HELLS: variants seen among roughly 807,000 people sequenced by gnomAD.
The protein encoded by HELLS is lymphoid-specific helicase.
HELLS carries 32 observed loss-of-function variants against 120.0 expected under a neutral mutation model. The observed-to-expected ratio is 0.27, with a 90% CI of 0.20 to 0.36. The LOEUF (loss-of-function observed/expected upper bound fraction) is 0.36, where lower values mean the gene tolerates loss of function less well. Among genes scored for constraint, HELLS ranks in the 10% least tolerant of loss-of-function variants. HELLS has a pLI of 1.00. For missense variants in HELLS, 650 were observed against 993.4 expected, an observed-to-expected ratio of 0.65 and a Z score of 4.65; for synonymous variants, 341 against 323.4, an observed-to-expected ratio of 1.05 and a Z score of -0.58.
chr10:94,561,860 A>G (rs930746290), intron 4 of HELLS, among the ~76,000 whole-genome samples: 4 of 141,960 alleles, frequency 2.8e-5, no homozygotes, highest in African/African-American at 9.1e-5. Flanking sequence ...GTTATATTTA[A>G]TGTATGAATT....
intron 4 of HELLS, among the ~76,000 whole-genome samples, chr10:94,561,364 C>T (rs1364095158): frequency 6.6e-6 from 1 of 152,182 alleles, no homozygotes; most frequent in Non-Finnish European, 1.5e-5. Flanking sequence ...TGCTCTTTAA[C>T]CTGTTAATTT....
Position 94,571,437 on chromosome 10 carries a change from A to G in HELLS, c.477+8A>G, listed in dbSNP as rs751544921. ...AATAAAAAGGAGAATGAGGTAAGAA[A>G]TTTATAATGTAAGATTAAGTTTAGA... On this transcript the variant is annotated splice_region_variant and intron_variant, in intron 7 of 21. Transcript: ENST00000348459. The G allele has an allele frequency of 1.3e-6, 2 of 1,494,580 alleles. No homozygotes were observed. The highest frequency in any genetic ancestry group is 1.2e-5 in the South Asian group (1 of 86,502). The allele number at this position is 1,494,580 out of a possible 1,614,324, so 92.6% of individuals were successfully genotyped here.
At chr10:94,586,730 C>T (rs532488819) in intron 12 of HELLS, among the ~76,000 whole-genome samples, 2 of 151,902 alleles carry the variant, frequency 1.3e-5, no homozygotes, top group African/African-American at 2.4e-5. Flanking sequence ...ACGTCTCTGT[C>T]GCCCAGGCTA....
chr10:94,584,136 CT>C, intron 12 of HELLS: 6 of 1,270,250 alleles, frequency 4.7e-6, no homozygotes, highest in Non-Finnish European at 6.3e-6. Context: ...GTTAGAAGTC[CT>C]TTTCAGTGTT....
downstream of HELLS, among the ~76,000 whole-genome samples, chr10:94,606,858 C>T (rs1846135088): frequency 6.6e-6 from 1 of 152,176 alleles, no homozygotes; most frequent in African/African-American, 2.4e-5. Flanking sequence ...GTGGATTTTA[C>T]TCCAGTGTGA....
intron 13 of HELLS, among the ~76,000 whole-genome samples, chr10:94,588,710 A>G (rs908248813): frequency 1.3e-5 from 2 of 152,104 alleles, no homozygotes; most frequent in Non-Finnish European, 2.9e-5. Context: ...CCCCTTGTTC[A>G]TTTTTAGGAC....
intron 18 of HELLS, among the ~76,000 whole-genome samples, chr10:94,594,061 G>A (rs549762476): frequency 9.2e-4 from 138 of 150,716 alleles, no homozygotes; most frequent in African/African-American, 3.1e-3. Context: ...GAGCCACCGC[G>A]CCCGGCCATT....
At chr10:94,610,725 A>G (rs1221925441) in exon 10 of HELLS, 1 of 152,142 alleles carries the variant, frequency 6.6e-6, no homozygotes, top group East Asian at 1.9e-4. Context: ...AGTAGCTGGG[A>G]TTACAGGCTC....
chr10:94,568,268 G>A (rs1343223446), intron 6 of HELLS, among the ~76,000 whole-genome samples: 1 of 150,926 alleles, frequency 6.6e-6, no homozygotes, highest in East Asian at 2.0e-4. Flanking sequence ...ATGCAGTTGA[G>A]CAGTTTTACG....
At chr10:94,590,851 TG>T in intron 15 of HELLS, 75 bp downstream of exon 15, 4 of 800,006 alleles carry the variant, frequency 5.0e-6, no homozygotes, top group African/African-American at 1.8e-5. Flanking sequence ...TTACTTTTTT[TG>T]ATTATAATTA....
At position 94,585,005 on chromosome 10, in the gene HELLS, T is replaced by C. The variant is rs141694721; in HGVS notation, c.1326+1946T>C. 3.0e-3 allele frequency among the ~76,000 whole-genome samples: 457 copies of C among 152,270 alleles called. 1 individual carries two copies. The highest frequency in any genetic ancestry group is 0.011 in the African/African-American group (440 of 41,588). ...AAAATGAATTCAGATTAGGTGGAGA[T>C]AGTTTTAAATCGCTAGTATATTTTC... is the stretch of plus-strand genomic sequence containing the variant. On this transcript the variant is annotated intron_variant, in intron 12 of 21. Transcript: ENST00000348459.
At chr10:94,568,566 C>T (rs1843957576) in intron 6 of HELLS, among the ~76,000 whole-genome samples, 2 of 152,096 alleles carry the variant, frequency 1.3e-5, no homozygotes, top group Admixed American at 1.3e-4. Context: ...TTTTTATAAT[C>T]CTAGTCTAGC....
chr10:94,590,605 C>A (rs376148038), intron 14 of HELLS, 33 bp from the exon 15 acceptor site: 29 of 1,604,672 alleles, frequency 1.8e-5, no homozygotes, highest in African/African-American at 2.7e-5. Flanking sequence ...CCATTTTTTG[C>A]ATTTCCCATA....
chr10:94,575,861 GATCTC>G (rs1172299619), intron 9 of HELLS, among the ~76,000 whole-genome samples: 1 of 148,008 alleles, frequency 6.8e-6, no homozygotes, highest in Non-Finnish European at 1.5e-5. Flanking sequence ...GCAATGGCAC[GATCTC>G]GGCTCAGTGC....
intron 2 of HELLS, among the ~76,000 whole-genome samples, chr10:94,550,214 C>G (rs1272866755): frequency 2.6e-5 from 4 of 152,154 alleles, no homozygotes; most frequent in African/African-American, 9.7e-5. Flanking sequence ...GCCACCATGC[C>G]CAGCTGATTT....
chr10:94,582,050 T>C (rs1316814926), intron 11 of HELLS, among the ~76,000 whole-genome samples: 1 of 152,180 alleles, frequency 6.6e-6, no homozygotes, highest in Non-Finnish European at 1.5e-5. Context: ...AGAAAGTAAT[T>C]AGTAGCTTCA....
At chr10:94,553,205 T>A (rs1008567528) in intron 2 of HELLS, among the ~76,000 whole-genome samples, 1 of 152,070 alleles carries the variant, frequency 6.6e-6, no homozygotes, top group African/African-American at 2.4e-5. Flanking sequence ...CAAGGTAATA[T>A]AATAACACGG....
intron 6 of HELLS, among the ~76,000 whole-genome samples, chr10:94,568,701 A>G (rs1249499594): frequency 6.6e-6 from 1 of 152,226 alleles, no homozygotes; most frequent in Non-Finnish European, 1.5e-5. Flanking sequence ...AGAATAAACA[A>G]AATACAAGGA....
intron 2 of HELLS, among the ~76,000 whole-genome samples, chr10:94,550,240 A>T (rs1261978349): frequency 1.4e-5 from 2 of 143,370 alleles, no homozygotes; most frequent in Non-Finnish European, 3.0e-5. Context: ...TTTAGGAAAA[A>T]TTTTTCCAGG....
Sources: gnomAD v4.1 joint callset for allele counts (sites outside exome capture counted in the v4.1 genomes callset) on GRCh38, gnomAD v4.1.1 for gene constraint, MANE v1.5 for transcripts, NCBI Gene and HGNC (gene_info 2026-07-23, HGNC 2026-07-21) for gene names.